Variants in FBXO47 observed in about 807,000 individuals in gnomAD.
FBXO47 encodes F-box protein 47.
In FBXO47, 34 loss-of-function variants were observed where a neutral mutation model predicts 53.9. The ratio of observed to expected loss-of-function variants is 0.63; its 90% CI spans 0.48 to 0.84. FBXO47 has a LOEUF of 0.84. Ranked by LOEUF, FBXO47 falls within the 40% of genes least tolerant of loss-of-function variation. The probability of loss-of-function intolerance (pLI) is 0.00; values close to 1 mark genes in which losing one functional copy is unlikely to be tolerated. For synonymous variants in FBXO47, 165 were observed against 181.6 expected (o/e 0.91, Z 0.73); for missense variants, 485 against 541.3 (o/e 0.90, Z 1.03).
intron 1 of FBXO47, among the ~76,000 whole-genome samples, chr17:38,964,428 T>G (rs1034706136): frequency 2.6e-5 from 4 of 152,106 alleles, no homozygotes; most frequent in African/African-American, 9.7e-5. Flanking sequence ...AAACCCCGTC[T>G]CTACAAAAAA....
intron 5 of FBXO47, among the ~76,000 whole-genome samples, chr17:38,954,578 T>C (rs924257682): frequency 1.3e-5 from 2 of 152,080 alleles, no homozygotes; most frequent in African/African-American, 4.8e-5. Flanking sequence ...AGTAGAAACT[T>C]TGAGGACACC....
chr17:38,937,139 C>A lies in FBXO47; in HGVS notation c.*36G>T. 1 of 892,904 alleles carries A rather than the reference C, an allele frequency of 1.1e-6. No homozygotes were observed. The highest frequency in any genetic ancestry group is 1.8e-6 in the Non-Finnish European group (1 of 564,126). The allele number at this position is 892,904 out of a possible 1,614,324, so 55.3% of individuals were successfully genotyped here. On this transcript the variant is annotated 3_prime_UTR_variant, in exon 11 of 11. Transcript: ENST00000378079. ...AGTAGCACTCCTCTAATCATTCGTT[C>A]AGTGACGTTCTCTAAAGGCAAGGCT...
chr17:38,964,490 G>C (rs977543143), intron 1 of FBXO47, among the ~76,000 whole-genome samples: 14 of 151,846 alleles, frequency 9.2e-5, no homozygotes, highest in African/African-American at 2.9e-4. Flanking sequence ...CAGCTACTTG[G>C]GAGACTGAAG....
chr17:38,942,066 C>A (rs1016890130), intron 9 of FBXO47, among the ~76,000 whole-genome samples: 1 of 152,084 alleles, frequency 6.6e-6, no homozygotes, highest in Non-Finnish European at 1.5e-5. Flanking sequence ...ACTCATTTCC[C>A]AGTTTCAACA....
chr17:38,966,872 G>GC (rs1344909212), intron 1 of FBXO47, among the ~76,000 whole-genome samples: 3 of 151,988 alleles, frequency 2.0e-5, no homozygotes, highest in Non-Finnish European at 4.4e-5. Flanking sequence ...AAGAATCACA[G>GC]CCCCAAATAA....
intron 3 of FBXO47, among the ~76,000 whole-genome samples, chr17:38,957,804 G>C (rs1905628108): frequency 1.3e-5 from 2 of 150,506 alleles, no homozygotes; most frequent in Non-Finnish European, 1.5e-5. Flanking sequence ...GGGCTCCAGT[G>C]ATCCTCGTGT....
chr17:38,965,895 A>AAAAT (rs1906091582), intron 1 of FBXO47, among the ~76,000 whole-genome samples: 2 of 151,006 alleles, frequency 1.3e-5, no homozygotes, highest in African/African-American at 4.9e-5. Flanking sequence ...AAAAAAAAAA[A>AAAAT]AATAATTACA....
At chr17:38,961,804 C>G in intron 3 of FBXO47, 73 bp downstream of exon 3, 1 of 1,342,906 alleles carries the variant, frequency 7.4e-7, no homozygotes, top group Non-Finnish European at 1.0e-6. Flanking sequence ...ACTGGCCTTA[C>G]AGAATTGTAT....
intron 5 of FBXO47, among the ~76,000 whole-genome samples, chr17:38,952,422 G>A (rs1275613722): frequency 1.3e-5 from 2 of 152,032 alleles, no homozygotes; most frequent in African/African-American, 2.4e-5. Context: ...TACCCATTAT[G>A]GAACAATCAA....
intron 5 of FBXO47, among the ~76,000 whole-genome samples, chr17:38,952,341 AACAAC>A (rs1812983272): frequency 6.6e-6 from 1 of 151,992 alleles, no homozygotes; most frequent in Admixed American, 6.6e-5. Context: ...ACAAAACAAA[AACAAC>A]ACAAGTCACT....
intron 10 of FBXO47, among the ~76,000 whole-genome samples, chr17:38,937,768 A>G (rs1051111581): frequency 1.3e-5 from 2 of 151,932 alleles, no homozygotes; most frequent in Admixed American, 6.6e-5. Flanking sequence ...CCTGGGTTCA[A>G]GCGATTCTCC....
intron 1 of FBXO47, among the ~76,000 whole-genome samples, chr17:38,964,473 G>A (rs989221702): frequency 2.0e-5 from 3 of 152,032 alleles, no homozygotes; most frequent in Admixed American, 1.3e-4. Flanking sequence ...GTGTGCACCT[G>A]TAATCCCAGC....
chr17:38,939,027 C>T (rs1290438007), intron 9 of FBXO47, among the ~76,000 whole-genome samples: 1 of 151,912 alleles, frequency 6.6e-6, no homozygotes, highest in Non-Finnish European at 1.5e-5. Context: ...GGCACGCTGG[C>T]TCATGCCTGT....
chr17:38,966,223 A>C (rs1332797697), intron 1 of FBXO47, among the ~76,000 whole-genome samples: 1 of 152,084 alleles, frequency 6.6e-6, no homozygotes, highest in Non-Finnish European at 1.5e-5. Flanking sequence ...TTTGTTTGCG[A>C]TGGAGTTTCG....
At chr17:38,946,984 A>ATATATAAACG (rs1274265215) in intron 6 of FBXO47, among the ~76,000 whole-genome samples, 1,068 of 63,746 alleles carry the variant, frequency 0.017, 34 homozygotes, top group African/African-American at 0.045. Flanking sequence ...ATATGTAAAT[A>ATATATAAACG]TATATAAACA....
At chr17:38,950,052 T>C (rs1239472670) in intron 6 of FBXO47, among the ~76,000 whole-genome samples, 4 of 152,186 alleles carry the variant, frequency 2.6e-5, no homozygotes, top group Non-Finnish European at 5.9e-5. Flanking sequence ...ATTCTAACCA[T>C]TTTTAAGTAC....
intron 9 of FBXO47, among the ~76,000 whole-genome samples, chr17:38,939,323 A>AT (rs761104470): frequency 6.8e-4 from 34 of 50,070 alleles, no homozygotes; most frequent in Non-Finnish European, 9.4e-4. Flanking sequence ...AAAAAAAAAA[A>AT]ATATATATAT....
At chr17:38,966,492 C>T (rs1385359916) in intron 1 of FBXO47, among the ~76,000 whole-genome samples, 1 of 152,194 alleles carries the variant, frequency 6.6e-6, no homozygotes, top group African/African-American at 2.4e-5. Flanking sequence ...TGAGCCACCG[C>T]ACCCGGCCAA....
chr17:38,967,175 C>T (rs1016634607), intron 1 of FBXO47, 54 bp downstream of exon 1: 1 of 151,998 alleles, frequency 6.6e-6, no homozygotes, highest in African/African-American at 2.4e-5. Context: ...CCCTTCAGTC[C>T]ATGAAAGATG....
Sources: allele counts gnomAD v4.1 joint callset (sites outside exome capture counted in the v4.1 genomes callset), GRCh38; gene constraint gnomAD v4.1.1; transcripts MANE v1.5; gene names NCBI Gene and HGNC (gene_info 2026-07-23, HGNC 2026-07-21).